The following IRF7 variants were observed in gnomAD, a reference collection of about 807,000 sequenced individuals.
IRF7 encodes interferon regulatory factor 7.
In IRF7, 67 loss-of-function variants were observed where a neutral mutation model predicts 51.3. That is an observed-to-expected ratio of 1.31 (90% CI 1.07 to 1.60). The LOEUF (loss-of-function observed/expected upper bound fraction) is 1.60. Ranked by LOEUF, IRF7 falls within the 40% of genes most tolerant of loss-of-function variation. The probability of loss-of-function intolerance (pLI) is 0.00; values close to 1 mark genes in which losing one functional copy is unlikely to be tolerated. For missense variants in IRF7, 873 were observed against 701.5 expected, an observed-to-expected ratio of 1.24 and a Z score of -2.76; for synonymous variants, 427 against 301.3, an observed-to-expected ratio of 1.42 and a Z score of -4.32.
In IRF7 at chr11:615,260, C is replaced by G. The variant is rs1435434022; in HGVS notation, c.21-1G>C. 8.9e-6 allele frequency: 14 copies of G among 1,580,498 alleles called. No homozygotes were observed. The East Asian group carries it at 3.2e-4, about 36-fold the overall frequency. On this transcript the variant is annotated splice_acceptor_variant, in intron 2 of 10. Transcript: ENST00000525445. LOFTEE classifies it high-confidence loss of function. Reference sequence around the variant, plus strand: ...TCCGAACAGCACGCGTGGGGCTGCCCTGCGGGTGCCCGGCCGCGGAGAGTC... The same window carrying G: ...TCCGAACAGCACGCGTGGGGCTGCCGTGCGGGTGCCCGGCCGCGGAGAGTC...
Position 612,611 on chromosome 11 carries a change from C to T in IRF7, c.*34G>A. ...GCCGCGGCCAGCTCTAGGTGGGCTG[C>T]TCCAGCTTTCTGGAGTTCTCATTAG... is the stretch of plus-strand genomic sequence containing the variant. On this transcript the variant is annotated 3_prime_UTR_variant, in exon 11 of 11. Transcript: ENST00000525445. The T allele has an allele frequency of 1.9e-6, 3 of 1,609,154 alleles. No individual in the cohort carries two copies. The highest frequency in any genetic ancestry group is 2.5e-6 in the Non-Finnish European group (3 of 1,178,386).
chr11:615,409 C>G lies in IRF7; in HGVS notation c.-45G>C, dbSNP rs377180156. On this transcript the variant is annotated 5_prime_UTR_variant, in exon 2 of 11. Coordinates refer to ENST00000525445, the MANE Select transcript of IRF7 (RefSeq NM_001572.5). ...GTTAGGTGGCGGTCAGGTGTTATAACAGGGGAGGTAAGGGCTCCTGTCGCA... is the reference window on the plus strand; with the variant it reads ...GTTAGGTGGCGGTCAGGTGTTATAAGAGGGGAGGTAAGGGCTCCTGTCGCA... 1.5e-5 allele frequency: 22 copies of G among 1,472,628 alleles called. No homozygotes were observed. The highest frequency in any genetic ancestry group is 1.8e-5 in the Non-Finnish European group (20 of 1,118,686). The allele number at this position is 1,472,628 out of a possible 1,614,324, so 91.2% of individuals were successfully genotyped here. A position where few individuals can be genotyped will look rare whatever the true frequency, so the allele number is the denominator to read the frequency against.
At position 613,799 on chromosome 11, in the gene IRF7, C is replaced by T; in HGVS notation, c.833G>A (p.Cys278Tyr). 6.4e-7 allele frequency: 1 copy of T among 1,569,078 alleles called. No individual in the cohort carries two copies. Among genetic ancestry groups the T allele is most frequent in the Non-Finnish European group, 8.6e-7 (1 of 1,166,230 alleles). The change falls in exon 8 of 11, where the codon TGC becomes TAC. Residue 278 changes from cysteine to tyrosine, a missense_variant. Cys to Tyr is a radical substitution (Grantham distance 194, BLOSUM62 -2). Coordinates refer to ENST00000525445, the MANE Select transcript of IRF7 (RefSeq NM_001572.5). ...EPYLSPSPSA[C>Y]TAVQEPSPGA... Reference sequence around the variant, plus strand: ...GATGCACTCACCTTGCACCGCGGTGCAGGCGCTTGGGGAGGGTGACAGGTA... The same window carrying T: ...GATGCACTCACCTTGCACCGCGGTGTAGGCGCTTGGGGAGGGTGACAGGTA...
intron 1 of IRF7, 129 bp downstream of exon 1, chr11:615,784 C>CCTCCCT (rs1554920873): frequency 4.7e-6 from 1 of 210,922 alleles, no homozygotes; most frequent in Non-Finnish European, 9.4e-6. Flanking sequence ...TCCGCCTCCG[C>CCTCCCT]CTCCCTCCCC....
Position 613,514 on chromosome 11 carries a change from C to A in IRF7, c.929G>T (p.Cys310Phe). ...GTCTGGGGGGCCGTATAGGAACGTG[C>A]AGCTCGGGTGTCCCACCACCTTCTG... ...VLQKVVGHPSCTFLYGPPDPA... is the reference protein window; with the variant it reads ...VLQKVVGHPSFTFLYGPPDPA... The change falls in exon 9 of 11, where the codon TGC becomes TTC. Residue 310 changes from cysteine to phenylalanine, a missense_variant. Transcript: ENST00000525445. 1.3e-6 allele frequency: 2 copies of A among 1,560,048 alleles called. No individual in the cohort carries two copies. Among genetic ancestry groups the A allele is most frequent in the Non-Finnish European group, 1.7e-6 (2 of 1,155,536 alleles).
chr11:615,126 G>A lies in IRF7; in HGVS notation c.154C>T (p.Leu52=). The A allele has an allele frequency of 1.2e-6, 2 of 1,600,672 alleles. No homozygotes were observed. The highest frequency in any genetic ancestry group is 8.5e-7 in the Non-Finnish European group (1 of 1,178,412). Residue 52 remains leucine, a synonymous_variant, in exon 3 of 11, where the codon CTG becomes TTG. Coordinates refer to ENST00000525445, the MANE Select transcript of IRF7 (RefSeq NM_001572.5). ...AAGATGCGCGCGTCGGCCTCGCTCA[G>A]GTCCTTGCGCGCGAAGTGCTTCCAG... The part of the protein sequence containing the change: ...VPWKHFARKD[L]SEADARIFKA...
intron 4 of IRF7, 59 bp from the exon 5 acceptor site, chr11:614,593 G>C (rs1856708082): frequency 6.5e-7 from 1 of 1,531,152 alleles, no homozygotes; most frequent in Admixed American, 2.0e-5. Context: ...TACAAGGAGA[G>C]CCTGGTGTAG....
Position 615,377 on chromosome 11 carries a change from A to G in IRF7, c.-13T>C, listed in dbSNP as rs1200822536. ...GAGCCAAGGCCATTGCTCCTTCTGC[A>G]GGGGCAGTTAGGTGGCGGTCAGGTG... On this transcript the variant is annotated 5_prime_UTR_variant, in exon 2 of 11. Transcript: ENST00000525445. The G allele has an allele frequency of 6.7e-7, 1 of 1,493,226 alleles. No individual in the cohort carries two copies. The highest frequency in any genetic ancestry group is 8.9e-7 in the Non-Finnish European group (1 of 1,127,360). 92.5% of individuals were successfully genotyped at this position (1,493,226 alleles called of 1,614,324 possible). A position where few individuals can be genotyped will look rare whatever the true frequency, so the allele number is the denominator to read the frequency against.
At chr11:614,675 T>C in intron 4 of IRF7, 122 bp downstream of exon 4, 1 of 1,385,422 alleles carries the variant, frequency 7.2e-7, no homozygotes, top group Non-Finnish European at 9.8e-7. Flanking sequence ...TCTCCACCTG[T>C]CCTGGGCCTG....
chr11:615,750 T>G (rs1202540391), intron 1 of IRF7, 103 bp from the exon 2 acceptor site: 2 of 257,810 alleles, frequency 7.8e-6, no homozygotes, highest in Admixed American at 5.4e-5. Flanking sequence ...CCCCGTCCGG[T>G]TCTCAGCTCC....
rs1344827949 is a variant in IRF7, at chr11:614,981, C to A, written c.210G>T (p.Trp70Cys). ...FKAWAVARGR[W>C]PPSSRGGGPP... Reference sequence around the variant, plus strand: ...GGCCACCTCCCCTGCTGCTAGGCGGCCACCTGCCGCGGGCCACAGCCCAGG... The same window carrying A: ...GGCCACCTCCCCTGCTGCTAGGCGGACACCTGCCGCGGGCCACAGCCCAGG... The change falls in exon 4 of 11, where the codon TGG becomes TGT. Residue 70 changes from tryptophan to cysteine, a missense_variant. By Grantham distance (215) the Trp-to-Cys change is radical. Coordinates refer to ENST00000525445, the MANE Select transcript of IRF7 (RefSeq NM_001572.5). 6.5e-7 allele frequency: 1 copy of A among 1,547,316 alleles called. No homozygotes were observed. The highest frequency in any genetic ancestry group is 8.7e-7 in the Non-Finnish European group (1 of 1,151,830).
intron 4 of IRF7, 70 bp from the exon 5 acceptor site, chr11:614,604 C>A (rs1010695671): frequency 3.3e-6 from 5 of 1,508,442 alleles, no homozygotes; most frequent in Non-Finnish European, 4.5e-6. Context: ...CCTGGTGTAG[C>A]CCCCACCAGC....
In IRF7 at chr11:613,826, G is replaced by A. The variant is rs949152008; in HGVS notation, c.806C>T (p.Pro269Leu). The A allele has an allele frequency of 1.9e-6, 3 of 1,587,244 alleles. No homozygotes were observed. The highest frequency in any genetic ancestry group is 2.6e-6 in the Non-Finnish European group (3 of 1,171,552). ...AAPESPHQAE[P>L]YLSPSPSACT... is the part of the protein sequence containing the mutation. ...GGCGCTTGGGGAGGGTGACAGGTAC[G>A]GCTCTGCCTGGTGCGGGGACTCTGG... Residue 269 changes from proline (P) to leucine (L), a missense_variant, in exon 8 of 11, where the codon CCG becomes CTG. Transcript: ENST00000525445.
In IRF7 at chr11:613,210, G is replaced by C; in HGVS notation, c.1233C>G (p.Phe411Leu). Reference sequence around the variant, plus strand: ...CCAGGCAAGGGCCTCACTGACCTTGGAAGAAGACTCTGAAGTCGAAGATGG... The same window carrying C: ...CCAGGCAAGGGCCTCACTGACCTTGCAAGAAGACTCTGAAGTCGAAGATGG... The part of the protein sequence containing the change: ...DTPIFDFRVF[F>L]QELVEFRARQ... The change falls in exon 9 of 11, where the codon TTC becomes TTG. Residue 411 changes from phenylalanine to leucine, a missense_variant. By Grantham distance (22) the Phe-to-Leu change is conservative. Transcript: ENST00000525445. The C allele has an allele frequency of 6.3e-7, 1 of 1,588,678 alleles. No homozygotes were observed. Among genetic ancestry groups the C allele is most frequent in the Non-Finnish European group, 8.6e-7 (1 of 1,166,328 alleles).
intron 10 of IRF7, 94 bp from the exon 11 acceptor site, chr11:612,894 C>T: frequency 1.3e-6 from 2 of 1,588,092 alleles, no homozygotes; most frequent in Non-Finnish European, 1.7e-6. Flanking sequence ...CTGTCAGTGA[C>T]CCGGTGTATG....
At chr11:613,682 C>CG (rs1281655006) in intron 8 of IRF7, 87 bp from the exon 9 acceptor site, 2 of 154,302 alleles carry the variant, frequency 1.3e-5, no homozygotes, top group African/African-American at 1.2e-4. Flanking sequence ...ATGTGAGTGA[C>CG]GGGGGTGGGC....
At position 614,846 on chromosome 11, in the gene IRF7, C is replaced by A; in HGVS notation, c.345G>T (p.Pro115=). The A allele has an allele frequency of 6.4e-7, 1 of 1,564,138 alleles. No homozygotes were observed. The highest frequency in any genetic ancestry group is 1.2e-5 in the South Asian group (1 of 85,222). The change falls in exon 4 of 11, where the codon CCG becomes CCT. Residue 115 remains proline, a synonymous_variant. Transcript: ENST00000525445. The stretch of plus-strand genomic sequence containing the variant: ...GCGCGTACACCTTGTGCGGGTCGGC[C>A]GGGTCCCCCGAGTTATCCCGCAGCA... ...FVMLRDNSGD[P]ADPHKVYALS...
rs786205223 is a variant in IRF7 at position 613,215 on chromosome 11, A to C, written c.1228T>G (p.Phe410Val). ...CDTPIFDFRV[F>V]FQELVEFRAR... ...CAAGGGCCTCACTGACCTTGGAAGA[A>C]GACTCTGAAGTCGAAGATGGGGGTG... The change falls in exon 9 of 11, where the codon TTC (phenylalanine) becomes GTC (valine). Residue 410 changes from phenylalanine (F) to valine (V), a missense_variant. By Grantham distance (50) the Phe-to-Val change is conservative. Transcript: ENST00000525445. 6 of 1,588,532 alleles carry C rather than the reference A, an allele frequency of 3.8e-6. No homozygotes were observed. Among genetic ancestry groups the C allele is most frequent in the South Asian group, 1.1e-5 (1 of 88,720 alleles).
At position 613,001 on chromosome 11, in the gene IRF7, TCAC is replaced by T; in HGVS notation, c.1351_1353del (p.Val451del). On this transcript the variant is annotated inframe_deletion, in exon 10 of 11. Transcript: ENST00000525445. ...CCTCCTTGAGGCTCTGGTCTCACCT[TCAC>T]CAGGACCAGGCTCTTCTCCTTGGGC... The T allele has an allele frequency of 6.2e-7, 1 of 1,612,812 alleles. No homozygotes were observed.
Sources: allele counts gnomAD v4.1 joint callset, GRCh38; gene constraint gnomAD v4.1.1; transcripts MANE v1.5; gene names NCBI Gene and HGNC (gene_info 2026-07-23, HGNC 2026-07-21).